The following CPED1 variants were observed in gnomAD, a reference collection of about 807,000 sequenced individuals.
CPED1 encodes the protein cadherin like and PC-esterase domain containing 1.
Under a neutral mutation model 128.2 loss-of-function variants are expected in CPED1, and 114 were observed. The observed-to-expected ratio is 0.89, with a 90% CI of 0.76 to 1.04. CPED1 has a LOEUF of 1.04. Among genes scored for constraint, CPED1 ranks in the 50% least tolerant of loss-of-function variants. CPED1 has a pLI of 0.00. For synonymous variants in CPED1, 462 were observed against 426.7 expected (o/e 1.08, Z -1.02); for missense variants, 1,211 against 1,207.1 (o/e 1.00, Z -0.05).
At chr7:121,173,384 T>G (rs1043623752) in intron 16 of CPED1, among the ~76,000 whole-genome samples, 1 of 152,110 alleles carries the variant, frequency 6.6e-6, no homozygotes, top group Non-Finnish European at 1.5e-5. Context: ...TAGTTATCTT[T>G]TCTGCTCTTT....
intron 16 of CPED1, among the ~76,000 whole-genome samples, chr7:121,183,219 C>T (rs1285383124): frequency 2.0e-5 from 3 of 152,086 alleles, no homozygotes; most frequent in Non-Finnish European, 1.5e-5. Flanking sequence ...AAAGCTTCCA[C>T]TCAGTTTAGA....
At chr7:121,130,466 TG>T (rs1795635123) in intron 12 of CPED1, among the ~76,000 whole-genome samples, 172 bp downstream of exon 12, 1 of 152,110 alleles carries the variant, frequency 6.6e-6, no homozygotes, top group African/African-American at 2.4e-5. Context: ...ATGATTCTAG[TG>T]GTCTTCAAAC....
chr7:121,184,076 G>T (rs1796952056), intron 16 of CPED1, among the ~76,000 whole-genome samples: 1 of 151,580 alleles, frequency 6.6e-6, no homozygotes, highest in South Asian at 2.1e-4. Flanking sequence ...GGGGACGGAG[G>T]TTGCAGTGAG....
chr7:121,247,008 A>G lies in CPED1; in HGVS notation c.2310+2670A>G, dbSNP rs190853553. 5.6e-4 allele frequency among the ~76,000 whole-genome samples: 85 copies of G among 152,308 alleles called. No homozygotes were observed. In the East Asian group the frequency reaches 0.013, roughly 23 times the overall value. ...ATTTATCAAGACGCTAATTTATTCT[A>G]TATGCAAAAGGCAAGCATTATCCAT... On this transcript the variant is annotated intron_variant, in intron 18 of 22. Coordinates refer to ENST00000310396, the MANE Select transcript of CPED1 (RefSeq NM_024913.5).
At chr7:121,118,711 A>G (rs1196875189) in intron 7 of CPED1, among the ~76,000 whole-genome samples, 1 of 152,188 alleles carries the variant, frequency 6.6e-6, no homozygotes, top group African/African-American at 2.4e-5. Flanking sequence ...CAGGTTGTAC[A>G]GGAAGTATGG....
chr7:121,292,307 G>C (rs930798558), intron 22 of CPED1, among the ~76,000 whole-genome samples: 3 of 150,932 alleles, frequency 2.0e-5, no homozygotes, highest in African/African-American at 7.3e-5. Flanking sequence ...TGATTGATTC[G>C]GTTATTGATA....
chr7:121,179,470 T>C (rs1316964804), intron 16 of CPED1, among the ~76,000 whole-genome samples: 1 of 152,096 alleles, frequency 6.6e-6, no homozygotes, highest in East Asian at 1.9e-4. Flanking sequence ...TCCCCAGACC[T>C]TGCTGAAGTA....
At chr7:121,201,274 A>T (rs1216224478) in intron 16 of CPED1, among the ~76,000 whole-genome samples, 3 of 152,094 alleles carry the variant, frequency 2.0e-5, no homozygotes, top group Non-Finnish European at 4.4e-5. Context: ...TCCACCAAAA[A>T]TACAAAAACT....
chr7:121,064,623 C>T (rs1016164823), intron 5 of CPED1, among the ~76,000 whole-genome samples: 1 of 152,050 alleles, frequency 6.6e-6, no homozygotes, highest in East Asian at 1.9e-4. Flanking sequence ...TACAGTAGTT[C>T]TCAGTTATGT....
intron 16 of CPED1, among the ~76,000 whole-genome samples, chr7:121,222,030 C>T (rs2116624040): frequency 6.6e-6 from 1 of 152,212 alleles, no homozygotes; most frequent in African/African-American, 2.4e-5. Context: ...AGTCCTTGAC[C>T]ATGCTTATGT....
rs1524498 is a variant in CPED1, at chr7:121,124,423, G to T, written c.1011G>T (p.Ala337=). 23 of 1,604,398 alleles carry T rather than the reference G, an allele frequency of 1.4e-5. No individual in the cohort carries two copies. Among genetic ancestry groups the T allele is most frequent in the Non-Finnish European group, 1.7e-5 (20 of 1,174,400 alleles). The part of the protein sequence containing the change: ...MKEAIGKLLL[A]AEVFSETSTL... ...AAGCAATTGGCAAACTACTGCTAGC[G>T]GCTGAAGTATTCAGTGAAACATCTA... The change falls in exon 8 of 23, where the codon GCG becomes GCT. Residue 337 remains alanine (A), a synonymous_variant. Coordinates refer to ENST00000310396, the MANE Select transcript of CPED1 (RefSeq NM_024913.5).
At chr7:121,136,261 A>T (rs189587554) in intron 14 of CPED1, among the ~76,000 whole-genome samples, 171 bp downstream of exon 14, 1 of 152,204 alleles carries the variant, frequency 6.6e-6, no homozygotes, top group African/African-American at 2.4e-5. Flanking sequence ...TCACTTTTGC[A>T]TAAGAACATA....
chr7:121,006,787 AC>A (rs1371193083), intron 2 of CPED1, among the ~76,000 whole-genome samples: 7 of 152,190 alleles, frequency 4.6e-5, no homozygotes, highest in Non-Finnish European at 1.0e-4. Context: ...CTGTGAGGTT[AC>A]AGTAAATAGT....
intron 22 of CPED1, among the ~76,000 whole-genome samples, chr7:121,288,331 G>C (rs1792626384): frequency 6.6e-6 from 1 of 152,128 alleles, no homozygotes; most frequent in Non-Finnish European, 1.5e-5. Context: ...AAGTGTTGTT[G>C]GGCCAGCCAC....
Position 121,035,900 on chromosome 7 carries a change from A to G in CPED1, c.434-10987A>G, listed in dbSNP as rs545222008. On this transcript the variant is annotated intron_variant, in intron 3 of 22. Coordinates refer to ENST00000310396, the MANE Select transcript of CPED1 (RefSeq NM_024913.5). ...AGAGCGGGTCTTTTCGTGGGAGATA[A>G]TGGGTTCAAATTTGTACGTTTTCAG... Among the ~76,000 whole-genome samples, 9 of 151,950 alleles carry G rather than the reference A, an allele frequency of 5.9e-5. No individual in the cohort carries two copies. The East Asian group carries it at 1.7e-3, about 29-fold the overall frequency.
chr7:121,232,131 G>A (rs1325377545), intron 16 of CPED1, among the ~76,000 whole-genome samples: 3 of 152,076 alleles, frequency 2.0e-5, no homozygotes, highest in African/African-American at 2.4e-5. Context: ...TCCTGACTAC[G>A]CAGGCAGCCT....
intron 18 of CPED1, among the ~76,000 whole-genome samples, chr7:121,262,419 C>G (rs1347305394): frequency 2.0e-5 from 3 of 152,030 alleles, no homozygotes; most frequent in African/African-American, 7.2e-5. Flanking sequence ...GTTCATGATG[C>G]TATGAAAAGG....
Position 121,150,481 on chromosome 7 carries a change from T to G in CPED1, c.2055+8340T>G, listed in dbSNP as rs551782443. Among the ~76,000 whole-genome samples the G allele has an allele frequency of 2.1e-3, 319 of 152,250 alleles. 1 individual carries two copies. Among genetic ancestry groups the G allele is most frequent in the African/African-American group, 7.4e-3 (306 of 41,546 alleles). Reference sequence around the variant, plus strand: ...GATGTGCATCTAGGTTGATTCCATGTCTTTGCTATTGTGAATAGCACTGTG... The same window carrying G: ...GATGTGCATCTAGGTTGATTCCATGGCTTTGCTATTGTGAATAGCACTGTG... On this transcript the variant is annotated intron_variant, in intron 16 of 22. Coordinates refer to ENST00000310396, the MANE Select transcript of CPED1 (RefSeq NM_024913.5).
intron 16 of CPED1, among the ~76,000 whole-genome samples, chr7:121,210,864 T>C (rs1440077274): frequency 2.6e-5 from 4 of 151,990 alleles, no homozygotes; most frequent in Non-Finnish European, 5.9e-5. Context: ...GGAAACCCTA[T>C]TTACCCTGAT....
Sources: gnomAD v4.1 joint callset for allele counts (sites outside exome capture counted in the v4.1 genomes callset) on GRCh38, gnomAD v4.1.1 for gene constraint, MANE v1.5 for transcripts, NCBI Gene and HGNC (gene_info 2026-07-23, HGNC 2026-07-21) for gene names.